Variants in XKR9 observed in about 807,000 individuals in gnomAD.
The protein encoded by XKR9 is XK related 9, also known as XK-related protein 9.
A neutral mutation model predicts 32.0 loss-of-function variants in XKR9; 32 were observed. That is an observed-to-expected ratio of 1.00 (90% CI 0.76 to 1.34). The LOEUF (loss-of-function observed/expected upper bound fraction) is 1.34. Among genes scored for constraint, XKR9 ranks in the 40% most tolerant of loss-of-function variants. The pLI is 0.00. For synonymous variants in XKR9, 168 were observed against 143.4 expected, an observed-to-expected ratio of 1.17 and a Z score of -1.22; for missense variants, 546 against 429.7, an observed-to-expected ratio of 1.27 and a Z score of -2.39.
In XKR9 at chr8:70,735,269, A is replaced by G. The variant is rs1010513397; in HGVS notation, c.*845A>G. On this transcript the variant is annotated 3_prime_UTR_variant, in exon 5 of 5. Transcript: ENST00000408926. ...CAAATCCCCATTTCCTCCTTCCCCA[A>G]GTCTCTCTCAACTGAAATTATAATT... 1.3e-5 allele frequency: 2 copies of G among 151,630 alleles called. No homozygotes were observed. The highest frequency in any genetic ancestry group is 4.8e-5 in the African/African-American group (2 of 41,296). 9.4% of individuals were successfully genotyped at this position (151,630 alleles called of 1,614,324 possible).
At chr8:70,847,820 CAGTAGTAAAA>C in the XKR9 span, among the ~76,000 whole-genome samples, 1 of 151,772 alleles carries the variant, frequency 6.6e-6, no homozygotes, top group African/African-American at 2.4e-5. Context: ...AAGATTGAAC[CAGTAGTAAAA>C]AGTCTTCCAA....
chr8:70,952,209 AG>A, the XKR9 span, among the ~76,000 whole-genome samples: 2 of 151,916 alleles, frequency 1.3e-5, no homozygotes, highest in Non-Finnish European at 2.9e-5. Context: ...CCATTATGAG[AG>A]AAGTTACTCT....
the XKR9 span, among the ~76,000 whole-genome samples, chr8:70,934,910 T>G: frequency 1.3e-5 from 2 of 151,846 alleles, no homozygotes; most frequent in African/African-American, 2.4e-5. Flanking sequence ...AGATATAGGT[T>G]TCTGATTTCT....
chr8:70,700,302 T>A (rs376138005), intron 3 of XKR9, among the ~76,000 whole-genome samples: 1 of 148,630 alleles, frequency 6.7e-6, no homozygotes, highest in Non-Finnish European at 1.5e-5. Flanking sequence ...TTTTTCCCCC[T>A]CTTTGTGGTT....
the XKR9 span, among the ~76,000 whole-genome samples, chr8:70,848,143 G>T: frequency 1.3e-5 from 2 of 151,952 alleles, no homozygotes; most frequent in African/African-American, 4.8e-5. Flanking sequence ...TTCATCCCAG[G>T]GATGCAAGGA....
chr8:71,046,629 A>G, the XKR9 span, among the ~76,000 whole-genome samples: 1 of 152,212 alleles, frequency 6.6e-6, no homozygotes. Flanking sequence ...TTAGGCCCAC[A>G]TTCACATTTT....
intron 3 of XKR9, among the ~76,000 whole-genome samples, chr8:70,685,523 G>T (rs1819238770): frequency 6.9e-6 from 1 of 145,398 alleles, no homozygotes; most frequent in Admixed American, 6.9e-5. Context: ...AGAAAATGTG[G>T]CACACATACA....
intron 2 of XKR9, among the ~76,000 whole-genome samples, chr8:70,753,175 T>G (rs1012437243): frequency 2.0e-5 from 3 of 152,198 alleles, no homozygotes; most frequent in African/African-American, 7.2e-5. Context: ...AAGAAATGGA[T>G]AAATTCCTCG....
the XKR9 span, among the ~76,000 whole-genome samples, chr8:70,979,548 T>C: frequency 1.3e-5 from 2 of 152,210 alleles, no homozygotes; most frequent in Non-Finnish European, 2.9e-5. Flanking sequence ...GACTCTGTTT[T>C]CCTGGGTATC....
Position 70,733,946 on chromosome 8 carries a change from CG to C in XKR9, c.645del (p.Trp216GlyfsTer3). 6.2e-7 allele frequency: 1 copy of C among 1,612,656 alleles called. No individual in the cohort carries two copies. The highest frequency in any genetic ancestry group is 8.5e-7 in the Non-Finnish European group (1 of 1,179,570). On this transcript the variant is annotated frameshift_variant, in exon 5 of 5. Transcript: ENST00000408926. LOFTEE classifies it high-confidence loss of function. ...TTTTACAAGTTGTTTACATTATTAT[CG>C]TGGATGCTGAGTGTTGTACTTCTAC... is the stretch of plus-strand genomic sequence containing the variant. ...YLFYKLFTLLSWMLSVVLLLF... is the reference protein window; with the variant it reads ...YLFYKLFTLLXWMLSVVLLLF...
At chr8:70,723,080 G>T (rs1472823767) in intron 4 of XKR9, among the ~76,000 whole-genome samples, 1 of 151,866 alleles carries the variant, frequency 6.6e-6, no homozygotes, top group Non-Finnish European at 1.5e-5. Context: ...CCTTCTGCTT[G>T]ATTGATTTGG....
intron 2 of XKR9, among the ~76,000 whole-genome samples, chr8:70,755,632 C>A (rs1245156914): frequency 6.6e-6 from 1 of 151,774 alleles, no homozygotes. Context: ...AATTGGAAAT[C>A]ATCATTCTCA....
At chr8:70,961,741 A>AT in the XKR9 span, among the ~76,000 whole-genome samples, 1 of 152,084 alleles carries the variant, frequency 6.6e-6, no homozygotes, top group Non-Finnish European at 1.5e-5. Context: ...AGAAGGGTAC[A>AT]TTTTTTATGA....
the XKR9 span, among the ~76,000 whole-genome samples, chr8:70,862,224 T>C: frequency 6.6e-6 from 1 of 152,114 alleles, no homozygotes; most frequent in Admixed American, 6.6e-5. Context: ...TTATTTTTAT[T>C]TTTTATATTT....
chr8:70,972,455 T>G, the XKR9 span, among the ~76,000 whole-genome samples: 236 of 152,252 alleles, frequency 1.6e-3, no homozygotes, highest in Non-Finnish European at 2.7e-3. Flanking sequence ...GTGCCCTTAA[T>G]TTTTTTCTCA....
In XKR9 at chr8:70,745,756, TG is replaced by T. The variant is rs1468782750; in HGVS notation, n.352+38606del. Among the ~76,000 whole-genome samples the T allele has an allele frequency of 2.0e-5, 3 of 152,326 alleles. No individual in the cohort carries two copies. The East Asian group carries it at 5.8e-4, about 29-fold the overall frequency. ...GCTGCCTAATTTGTTCCCTGGTTTA[TG>T]GGATCAACTATGTATTGCTACAAGC... On this transcript the variant is annotated intron_variant and non_coding_transcript_variant, in intron 2 of 3. Transcript: ENST00000520273.
intron 3 of XKR9, among the ~76,000 whole-genome samples, chr8:70,693,358 T>C (rs1435459681): frequency 2.0e-5 from 3 of 152,166 alleles, no homozygotes; most frequent in African/African-American, 7.2e-5. Flanking sequence ...ATCCAGCAGA[T>C]GACATTTAGG....
chr8:70,810,933 A>G, the XKR9 span, among the ~76,000 whole-genome samples: 1 of 152,230 alleles, frequency 6.6e-6, no homozygotes, highest in African/African-American at 2.4e-5. Flanking sequence ...CTCTGCACCA[A>G]GTGGACCTAA....
At chr8:70,760,580 C>T (rs1299654270) in intron 2 of XKR9, among the ~76,000 whole-genome samples, 2 of 152,342 alleles carry the variant, frequency 1.3e-5, no homozygotes, top group Admixed American at 6.5e-5. Flanking sequence ...TCCTGCCACA[C>T]AACCTTCCCC....
Sources: gnomAD v4.1 joint callset for allele counts (sites outside exome capture counted in the v4.1 genomes callset) on GRCh38, gnomAD v4.1.1 for gene constraint, MANE v1.5 for transcripts, NCBI Gene and HGNC (gene_info 2026-07-23, HGNC 2026-07-21) for gene names.